SETD5: variants seen among roughly 807,000 people sequenced by gnomAD.
SETD5 encodes SET domain containing 5, also known as histone-lysine N-methyltransferase SETD5.
In SETD5, 44 loss-of-function variants were observed where a neutral mutation model predicts 153.3. The ratio of observed to expected loss-of-function variants is 0.29; its 90% confidence interval spans 0.23 to 0.37. The LOEUF (loss-of-function observed/expected upper bound fraction) is 0.37, where lower values mean the gene tolerates loss of function less well. SETD5 is among the 10% of genes least tolerant of loss of function. SETD5 has a pLI of 1.00. For missense variants in SETD5, 1,544 were observed against 1,768.0 expected, an observed-to-expected ratio of 0.87 and a Z score of 2.27; for synonymous variants, 716 against 645.2, an observed-to-expected ratio of 1.11 and a Z score of -1.66.
chr3:9,417,937 G>GT (rs1314029998), intron 1 of SETD5, among the ~76,000 whole-genome samples: 5 of 141,276 alleles, frequency 3.5e-5, no homozygotes, highest in Non-Finnish European at 6.3e-5. Context: ...TAGAACAAGA[G>GT]TTTTGTTTTT....
chr3:9,437,522 C>CGTGTGTGTGTGTGTGTGTGTGTGTGT lies in SETD5; in HGVS notation c.567+1619_567+1644dup, dbSNP rs6147703. Among the ~76,000 whole-genome samples, 363 of 145,108 alleles carry CGTGTGTGTGTGTGTGTGTGTGTGTGT rather than the reference C, an allele frequency of 2.5e-3. 6 individuals carry two copies. The highest frequency in any genetic ancestry group is 9.1e-3 in the African/African-American group (352 of 38,726). On this transcript the variant is annotated intron_variant, in intron 7 of 22. Coordinates refer to ENST00000402198, the MANE Select transcript of SETD5 (RefSeq NM_001080517.3). ...TTATGCTGTCTGGTATCCTCCTTTA[C>CGTGTGTGTGTGTGTGTGTGTGTGTGT]GTGTGTGTGTGTGTGTGTGTGTGTG...
At chr3:9,475,251 A>T in intron 22 of SETD5, 95 bp downstream of exon 22, 2 of 1,273,596 alleles carry the variant, frequency 1.6e-6, no homozygotes, top group Non-Finnish European at 2.2e-6. Context: ...CTGTCTTTGC[A>T]TATAGTTTCA....
chr3:9,452,659 A>ATTTTTTT lies in SETD5; in HGVS notation c.2347-1061_2347-1055dup, dbSNP rs1164278885. 1.3e-3 allele frequency among the ~76,000 whole-genome samples: 76 copies of ATTTTTTT among 59,808 alleles called. 1 individual carries two copies. The highest frequency in any genetic ancestry group is 1.8e-3 in the Admixed American group (10 of 5,590). 39.2% of individuals were successfully genotyped at this position (59,808 alleles called of 152,430 possible). A position where few individuals can be genotyped will look rare whatever the true frequency, so the allele number is the denominator to read the frequency against. ...CACAATGACATTTGTATGATGTAAGATTTTTTTTTTTTTTTTTTTTTTTTT... is the reference window on the plus strand; with the variant it reads ...CACAATGACATTTGTATGATGTAAGATTTTTTTTTTTTTTTTTTTTTTTTTTTTTTTT... On this transcript the variant is annotated intron_variant, in intron 16 of 22. Transcript: ENST00000402198.
chr3:9,471,584 G>C (rs2045309830), intron 19 of SETD5, among the ~76,000 whole-genome samples: 2 of 152,212 alleles, frequency 1.3e-5, no homozygotes, highest in African/African-American at 4.8e-5. Flanking sequence ...GGCCGGGGGA[G>C]CCAGGAGGAA....
At chr3:9,429,781 C>G (rs774502651) in intron 3 of SETD5, 2 of 1,246,740 alleles carry the variant, frequency 1.6e-6, no homozygotes, top group African/African-American at 3.1e-5. Context: ...CAGATTCCCC[C>G]TCTTGTCCTT....
rs2040214641 is a variant in SETD5 at position 9,433,579 on chromosome 3, C to T, written c.72-266C>T. 12 of 1,289,078 alleles carry T rather than the reference C, an allele frequency of 9.3e-6. No homozygotes were observed. The South Asian group carries it at 1.3e-4, about 14-fold the overall frequency. 79.9% of individuals were successfully genotyped at this position (1,289,078 alleles called of 1,614,324 possible). ...GCTCAGCTGGTACGTTTGTGTTTGTCATTAGGGACACCTTGTATCTCAGGT... is the reference window on the plus strand; with the variant it reads ...GCTCAGCTGGTACGTTTGTGTTTGTTATTAGGGACACCTTGTATCTCAGGT... On this transcript the variant is annotated intron_variant, in intron 3 of 22. Transcript: ENST00000402198.
chr3:9,470,011 C>T (rs79921329), intron 18 of SETD5, among the ~76,000 whole-genome samples: 9,231 of 152,124 alleles, frequency 0.061, 420 homozygotes, highest in Admixed American at 0.12. Flanking sequence ...TTCCCCCCAC[C>T]TTCCATCAAT....
intron 3 of SETD5, chr3:9,431,014 ATATT>A (rs919307100): frequency 2.5e-4 from 245 of 985,272 alleles, no homozygotes; most frequent in Non-Finnish European, 2.9e-4. Context: ...ATTATTAATG[ATATT>A]TATTAATGTT....
chr3:9,403,637 C>G (rs1286611397), intron 1 of SETD5, among the ~76,000 whole-genome samples: 1 of 152,168 alleles, frequency 6.6e-6, no homozygotes, highest in Admixed American at 6.5e-5. Context: ...CCTGATATTT[C>G]CTGGAGATTA....
chr3:9,467,152 C>T (rs1003654861), intron 18 of SETD5, among the ~76,000 whole-genome samples: 18 of 142,468 alleles, frequency 1.3e-4, no homozygotes, highest in African/African-American at 4.5e-4. Flanking sequence ...AAGACTGCGC[C>T]ACTGCATTCC....
intron 7 of SETD5, among the ~76,000 whole-genome samples, chr3:9,438,108 G>C (rs1293910956): frequency 2.0e-5 from 3 of 152,132 alleles, no homozygotes; most frequent in Non-Finnish European, 2.9e-5. Flanking sequence ...TTTACCTAAA[G>C]TTTGAAGGCC....
chr3:9,422,299 T>G (rs541193724), intron 1 of SETD5, among the ~76,000 whole-genome samples: 37 of 152,324 alleles, frequency 2.4e-4, no homozygotes, highest in African/African-American at 8.4e-4. Flanking sequence ...TAAGCAAGAT[T>G]AGATTTTCTC....
At chr3:9,468,792 GTGTT>G (rs1292844336) in intron 18 of SETD5, among the ~76,000 whole-genome samples, 142 of 152,106 alleles carry the variant, frequency 9.3e-4, no homozygotes, top group Middle Eastern at 3.4e-3. Flanking sequence ...AGGAGCGTGT[GTGTT>G]TGTGTGTGTG....
chr3:9,436,905 G>A lies in SETD5; in HGVS notation c.567+999G>A, dbSNP rs551194210. On this transcript the variant is annotated intron_variant, in intron 7 of 22. Coordinates refer to ENST00000402198, the MANE Select transcript of SETD5 (RefSeq NM_001080517.3). ...CGGATGAAGGTAAGGGGTAATCTTC[G>A]CTGATGCTGTGTTTTACTTCACTGT... 2.4e-5 allele frequency: 37 copies of A among 1,548,664 alleles called. No homozygotes were observed. In the Admixed American group the frequency reaches 2.6e-4, roughly 11 times the overall value.
intron 1 of SETD5, among the ~76,000 whole-genome samples, chr3:9,419,482 C>T (rs531552456): frequency 1.3e-5 from 2 of 152,242 alleles, no homozygotes; most frequent in Non-Finnish European, 2.9e-5. Flanking sequence ...GAGAGGATCG[C>T]TTGAGCCCAG....
At chr3:9,429,529 G>GA (rs920325911) in intron 3 of SETD5, among the ~76,000 whole-genome samples, 1 of 152,102 alleles carries the variant, frequency 6.6e-6, no homozygotes, top group African/African-American at 2.4e-5. Flanking sequence ...TGCCTAGAAA[G>GA]AGGACCTTCA....
intron 22 of SETD5, 134 bp downstream of exon 22, chr3:9,475,290 T>C: frequency 3.5e-6 from 4 of 1,133,350 alleles, no homozygotes; most frequent in South Asian, 1.6e-5. Flanking sequence ...CATCATCTGC[T>C]TGTCCTCAGG....
At chr3:9,472,783 C>T (rs1435033053) in intron 19 of SETD5, among the ~76,000 whole-genome samples, 1 of 152,014 alleles carries the variant, frequency 6.6e-6, no homozygotes. Context: ...AAACAGCTAA[C>T]TCTAGGGGTT....
intron 1 of SETD5, among the ~76,000 whole-genome samples, chr3:9,417,802 T>A (rs948843560): frequency 6.2e-4 from 94 of 151,492 alleles, no homozygotes; most frequent in Non-Finnish European, 1.0e-3. Flanking sequence ...TTTTTTTTTT[T>A]AATTATTTTA....
Sources: gnomAD v4.1 joint callset for allele counts (sites outside exome capture counted in the v4.1 genomes callset) on GRCh38, gnomAD v4.1.1 for gene constraint, MANE v1.5 for transcripts, NCBI Gene and HGNC (gene_info 2026-07-23, HGNC 2026-07-21) for gene names.